The following SNX31 variants were observed in gnomAD, a reference collection of about 807,000 sequenced individuals.
The protein encoded by SNX31 is sorting nexin-31.
A neutral mutation model predicts 65.4 loss-of-function variants in SNX31; 58 were observed. That is an observed-to-expected ratio of 0.89 (90% CI 0.72 to 1.10). The LOEUF (loss-of-function observed/expected upper bound fraction) is 1.10, where lower values mean the gene tolerates loss of function less well. Ranked by LOEUF, SNX31 falls within the 50% of genes least tolerant of loss-of-function variation. The pLI is 0.00. For synonymous variants in SNX31, 181 were observed against 190.1 expected, an observed-to-expected ratio of 0.95 and a Z score of 0.39; for missense variants, 523 against 529.7, an observed-to-expected ratio of 0.99 and a Z score of 0.12.
chr8:100,605,312 T>C (rs1816046398), intron 8 of SNX31, among the ~76,000 whole-genome samples: 1 of 152,182 alleles, frequency 6.6e-6, no homozygotes, highest in Non-Finnish European at 1.5e-5. Flanking sequence ...GTAGGAATTT[T>C]CTTCTGGGGA....
rs1817975575 is a variant in SNX31, at chr8:100,625,334, C to G, written c.321+4993G>C. Among the ~76,000 whole-genome samples, 1 of 151,332 alleles carries G rather than the reference C, an allele frequency of 6.6e-6. No individual in the cohort carries two copies. The highest frequency in any genetic ancestry group is 1.5e-5 in the Non-Finnish European group (1 of 67,884). The stretch of plus-strand genomic sequence containing the variant: ...TTGTAGAGAAATGACAGCGGCCCAT[C>G]ATTGCATGTGATGGAGGTTTAGAGC... On this transcript the variant is annotated intron_variant, in intron 4 of 13. Coordinates refer to ENST00000311812, the MANE Select transcript of SNX31 (RefSeq NM_152628.4). This position sits in a 1 kb window ranked among gnomAD's most constrained non-coding sequence, Gnocchi z 4.2.
rs1401494760 is a variant in SNX31, at chr8:100,617,691, T to C, written c.361A>G (p.Ile121Val). Residue 121 changes from isoleucine to valine, a missense_variant, in exon 5 of 14, where the codon ATA becomes GTA. Physicochemically the swap from Ile to Val is conservative, Grantham distance 29. Transcript: ENST00000311812. ...ATACTCTGTTCATTGGGCAGAAATA[T>C]GTCCAGATAAGCTTTCTTGGTGGCG... ...DIATKKAYLD[I>V]FLPNEQSIRI... The C allele has an allele frequency of 1.2e-6, 2 of 1,613,966 alleles. No individual in the cohort carries two copies. The highest frequency in any genetic ancestry group is 4.5e-5 in the East Asian group (2 of 44,880).
At chr8:100,598,373 T>C (rs953798433) in intron 9 of SNX31, among the ~76,000 whole-genome samples, 6 of 152,258 alleles carry the variant, frequency 3.9e-5, no homozygotes, top group Non-Finnish European at 8.8e-5. Context: ...ATGCTTTTGC[T>C]ACAACACTTT....
chr8:100,657,877 A>G (rs1244767401), intron 1 of SNX31: 1 of 368,462 alleles, frequency 2.7e-6, no homozygotes, highest in Non-Finnish European at 5.3e-6. Flanking sequence ...TCTCAAAAGA[A>G]AACAAAAAAA....
intron 10 of SNX31, among the ~76,000 whole-genome samples, chr8:100,589,813 G>A (rs1401883121): frequency 6.6e-6 from 1 of 152,170 alleles, no homozygotes; most frequent in Non-Finnish European, 1.5e-5. Flanking sequence ...TCCTAGTAAT[G>A]GAGTCTCAAA....
In SNX31 at chr8:100,576,932, GA is replaced by G; in HGVS notation, c.1227+86del. 2 of 1,081,736 alleles carry G rather than the reference GA, an allele frequency of 1.8e-6. No homozygotes were observed. The highest frequency in any genetic ancestry group is 2.1e-5 in the Admixed American group (1 of 48,400). The allele number at this position is 1,081,736 out of a possible 1,614,324, so 67.0% of individuals were successfully genotyped here. A position where few individuals can be genotyped will look rare whatever the true frequency, so the allele number is the denominator to read the frequency against. On this transcript the variant is annotated intron_variant, in intron 13 of 13. Transcript: ENST00000311812. The surrounding 1 kb of genome is among the most constrained non-coding windows in gnomAD (Gnocchi z 4.8). ...AGAAACATAATTCTGACTTATTATT[GA>G]AAGTGAGATGACTTTGGTTAAAGAG...
In SNX31 at chr8:100,635,753, T is replaced by C. The variant is rs1818725303; in HGVS notation, c.256+144A>G. ...TTTCTTTTGGGGGTAGTGACAATATTCTAAAATTAGATTACGGTAATGGTC... is the reference window on the plus strand; with the variant it reads ...TTTCTTTTGGGGGTAGTGACAATATCCTAAAATTAGATTACGGTAATGGTC... On this transcript the variant is annotated intron_variant, in intron 3 of 13. Coordinates refer to ENST00000311812, the MANE Select transcript of SNX31 (RefSeq NM_152628.4). 17 of 605,836 alleles carry C rather than the reference T, an allele frequency of 2.8e-5. No individual in the cohort carries two copies. In the South Asian group the frequency reaches 4.3e-4, roughly 15 times the overall value. 37.5% of individuals were successfully genotyped at this position (605,836 alleles called of 1,614,324 possible). A position where few individuals can be genotyped will look rare whatever the true frequency, so the allele number is the denominator to read the frequency against.
intron 12 of SNX31, among the ~76,000 whole-genome samples, chr8:100,581,321 A>ATATCTATC (rs1188651921): frequency 8.1e-6 from 1 of 123,498 alleles, no homozygotes; most frequent in Non-Finnish European, 1.5e-5. Context: ...TTATATATCT[A>ATATCTATC]TATCTATCTA....
Position 100,604,899 on chromosome 8 carries a change from C to CT in SNX31, c.681+3594dup, listed in dbSNP as rs1407064645. Reference sequence around the variant, plus strand: ...TTTTAAAGAATGACTGCTTCTTAGTCTTTTTTTTTCTTTTTTTTTGACAGA... The same window carrying CT: ...TTTTAAAGAATGACTGCTTCTTAGTCTTTTTTTTTTCTTTTTTTTTGACAGA... On this transcript the variant is annotated intron_variant, in intron 8 of 13. Transcript: ENST00000311812. This position sits in a 1 kb window ranked among gnomAD's most constrained non-coding sequence, Gnocchi z 4.3. Among the ~76,000 whole-genome samples the CT allele has an allele frequency of 6.6e-5, 10 of 150,982 alleles. No individual in the cohort carries two copies. Among genetic ancestry groups the CT allele is most frequent in the African/African-American group, 1.9e-4 (8 of 41,126 alleles).
upstream of SNX31, among the ~76,000 whole-genome samples, chr8:100,653,052 G>A (rs775061632): frequency 1.3e-5 from 2 of 152,206 alleles, no homozygotes; most frequent in Non-Finnish European, 2.9e-5. Flanking sequence ...GGCATGCAGA[G>A]TTAAGTCTTC....
At chr8:100,636,441 G>T (rs59659633) in intron 2 of SNX31, among the ~76,000 whole-genome samples, 11,719 of 152,192 alleles carry the variant, frequency 0.077, 906 homozygotes, top group African/African-American at 0.2. Context: ...ACCTAAAGCG[G>T]TAGCCACCAG....
chr8:100,621,911 C>T (rs1020552185), intron 4 of SNX31, among the ~76,000 whole-genome samples: 1 of 152,202 alleles, frequency 6.6e-6, no homozygotes, highest in Non-Finnish European at 1.5e-5. Flanking sequence ...GGGTCCTCGC[C>T]TTCAGCTGGG....
At chr8:100,652,223 CCGCCTCGGCCTCCCAAAGTCGTG>C (rs1472998435), upstream of SNX31, among the ~76,000 whole-genome samples, 1 of 152,208 alleles carries the variant, frequency 6.6e-6, no homozygotes, top group Non-Finnish European at 1.5e-5. Flanking sequence ...CATGATCTAC[CCGCCTCGGCCTCCCAAAGTCGTG>C]GGATTACAGG....
At chr8:100,597,162 A>C (rs1396107058) in intron 9 of SNX31, among the ~76,000 whole-genome samples, 3 of 152,240 alleles carry the variant, frequency 2.0e-5, no homozygotes. Flanking sequence ...TGAAGAATGA[A>C]GAAAAGAGTC....
intron 1 of SNX31, among the ~76,000 whole-genome samples, chr8:100,658,680 G>T (rs998321163): frequency 3.3e-5 from 5 of 152,200 alleles, no homozygotes; most frequent in African/African-American, 4.8e-5. Context: ...CCACAGCCAG[G>T]ATTTGAAACT....
At chr8:100,603,035 G>A (rs761025366) in intron 8 of SNX31, among the ~76,000 whole-genome samples, 14 of 152,046 alleles carry the variant, frequency 9.2e-5, no homozygotes, top group Non-Finnish European at 1.9e-4. Context: ...CGAGTAAGTG[G>A]CAGGAGTTAG....
chr8:100,600,616 T>C (rs1219173720), intron 8 of SNX31, among the ~76,000 whole-genome samples, 175 bp from the exon 9 acceptor site: 1 of 152,122 alleles, frequency 6.6e-6, no homozygotes, highest in Non-Finnish European at 1.5e-5. Flanking sequence ...GTTCAACAGC[T>C]TGGGGACAAT....
At chr8:100,646,164 A>G (rs528228169) in intron 2 of SNX31, among the ~76,000 whole-genome samples, 3 of 152,220 alleles carry the variant, frequency 2.0e-5, no homozygotes, top group Non-Finnish European at 4.4e-5. Flanking sequence ...GAGGAAAGGC[A>G]TACAAATTTA....
chr8:100,655,906 A>C (rs1820046705), intron 1 of SNX31, among the ~76,000 whole-genome samples: 1 of 152,206 alleles, frequency 6.6e-6, no homozygotes, highest in Non-Finnish European at 1.5e-5. Flanking sequence ...GGGGGCTGTC[A>C]CATAACTAGA....
Sources: gnomAD v4.1 joint callset for allele counts (sites outside exome capture counted in the v4.1 genomes callset) on GRCh38, gnomAD v4.1.1 for gene constraint, Gnocchi (gnomAD v3.1) non-coding constraint, MANE v1.5 for transcripts, NCBI Gene and HGNC (gene_info 2026-07-23, HGNC 2026-07-21) for gene names.